The following IGF1 variants were observed in gnomAD, a reference collection of about 807,000 sequenced individuals.
IGF1 encodes insulin-like growth factor 1.
A neutral mutation model predicts 13.8 loss-of-function variants in IGF1; 4 were observed. The ratio of observed to expected loss-of-function variants is 0.29; its 90% confidence interval spans 0.14 to 0.66. IGF1 has a LOEUF of 0.66. IGF1 is among the 30% of genes least tolerant of loss of function. The pLI, the probability that IGF1 is intolerant of heterozygous loss-of-function variation, is 0.78. For missense variants in IGF1, 124 were observed against 188.5 expected (o/e 0.66, Z 2.00); for synonymous variants, 76 against 72.6 (o/e 1.05, Z -0.23).
At chr12:102,475,540 A>T in intron 2 of IGF1, 103 bp downstream of exon 2, 1 of 1,316,784 alleles carries the variant, frequency 7.6e-7, no homozygotes, top group Non-Finnish European at 1.1e-6. Flanking sequence ...TGGCTGCCAG[A>T]TACGGGCACT....
At chr12:102,436,907 C>G (rs964198770) in intron 2 of IGF1, among the ~76,000 whole-genome samples, 4 of 152,126 alleles carry the variant, frequency 2.6e-5, no homozygotes, top group Admixed American at 2.6e-4. Context: ...GCTTTAAATC[C>G]AACAGTGCCC....
chr12:102,464,386 G>T (rs1880149191), intron 2 of IGF1, among the ~76,000 whole-genome samples: 1 of 150,444 alleles, frequency 6.6e-6, no homozygotes, highest in African/African-American at 2.5e-5. Context: ...ATATATTCTG[G>T]GGACTGGAAG....
intron 1 of IGF1, among the ~76,000 whole-genome samples, chr12:102,478,183 T>A (rs1018955778): frequency 6.6e-6 from 1 of 151,766 alleles, no homozygotes; most frequent in African/African-American, 2.4e-5. Flanking sequence ...GAGTTTAAAG[T>A]GTGAAACAAG....
intron 2 of IGF1, among the ~76,000 whole-genome samples, chr12:102,453,416 A>G (rs1279141356): frequency 1.3e-5 from 2 of 152,216 alleles, no homozygotes; most frequent in South Asian, 2.1e-4. Flanking sequence ...CCGGTATTCA[A>G]TTATACTCAG....
intron 2 of IGF1, among the ~76,000 whole-genome samples, chr12:102,439,427 C>T (rs895648107): frequency 3.3e-5 from 5 of 152,096 alleles, no homozygotes; most frequent in African/African-American, 7.2e-5. Flanking sequence ...AATTTAGAAA[C>T]GAGAAGTCAT....
At chr12:102,414,792 A>T (rs1306984774) in intron 3 of IGF1, among the ~76,000 whole-genome samples, 1 of 152,210 alleles carries the variant, frequency 6.6e-6, no homozygotes, top group South Asian at 2.1e-4. Flanking sequence ...AGGTTTGCAC[A>T]TTGTAGATGC....
chr12:102,408,073 G>T (rs1225368764), intron 3 of IGF1, among the ~76,000 whole-genome samples: 3 of 152,144 alleles, frequency 2.0e-5, no homozygotes, highest in African/African-American at 7.2e-5. Context: ...AAAAAATACT[G>T]GGAAAATTCT....
At chr12:102,429,888 C>G (rs1204066014) in intron 2 of IGF1, among the ~76,000 whole-genome samples, 1 of 152,202 alleles carries the variant, frequency 6.6e-6, no homozygotes, top group Admixed American at 6.5e-5. Context: ...GAACTAGAGA[C>G]TGTTGCCCCA....
intron 1 of IGF1, among the ~76,000 whole-genome samples, chr12:102,477,665 G>A (rs1881146207): frequency 1.3e-5 from 2 of 151,094 alleles, no homozygotes; most frequent in Admixed American, 1.3e-4. Context: ...GATTGATCTT[G>A]CAGAGCATAC....
At chr12:102,431,263 A>C (rs1414508251) in intron 2 of IGF1, among the ~76,000 whole-genome samples, 1 of 152,224 alleles carries the variant, frequency 6.6e-6, no homozygotes, top group African/African-American at 2.4e-5. Flanking sequence ...GCTTGAAAAG[A>C]CTCAAACTTA....
At chr12:102,427,992 A>T (rs965185604) in intron 2 of IGF1, among the ~76,000 whole-genome samples, 2 of 151,860 alleles carry the variant, frequency 1.3e-5, no homozygotes, top group Non-Finnish European at 2.9e-5. Flanking sequence ...GAATGTTTCT[A>T]TAGCACCTAG....
intron 2 of IGF1, among the ~76,000 whole-genome samples, chr12:102,469,087 C>T (rs1181315543): frequency 6.6e-6 from 1 of 152,206 alleles, no homozygotes; most frequent in Non-Finnish European, 1.5e-5. Flanking sequence ...GGATACATTT[C>T]AATACCAATG....
intron 3 of IGF1, among the ~76,000 whole-genome samples, chr12:102,418,592 C>A (rs998408568): frequency 7.2e-5 from 11 of 152,226 alleles, no homozygotes; most frequent in Admixed American, 4.6e-4. Context: ...AATACTTAAA[C>A]GAGAGCTATT....
At chr12:102,441,655 T>C in intron 2 of IGF1, among the ~76,000 whole-genome samples, 1 of 152,180 alleles carries the variant, frequency 6.6e-6, no homozygotes, top group Non-Finnish European at 1.5e-5. Flanking sequence ...GGTTATTTTA[T>C]GTAGATATTG....
rs575085463 is a variant in IGF1, at chr12:102,475,427, G to A, written c.220+216C>T. ...GGCTTAGCAGGAAGTAGTTAAAGAC[G>A]AATTGTTAAGGAGGAAAATTCCATC... On this transcript the variant is annotated intron_variant, in intron 2 of 3. Coordinates refer to ENST00000337514, the MANE Select transcript of IGF1 (RefSeq NM_000618.5). Among the ~76,000 whole-genome samples the A allele has an allele frequency of 4.6e-5, 7 of 152,128 alleles. No individual in the cohort carries two copies. The East Asian group carries it at 7.7e-4, about 17-fold the overall frequency.
Position 102,479,926 on chromosome 12 carries a change from C to G in IGF1, c.63+393G>C, listed in dbSNP as rs546662337. Among the ~76,000 whole-genome samples the G allele has an allele frequency of 2.1e-4, 32 of 151,668 alleles. 1 individual carries two copies. Among genetic ancestry groups the G allele is most frequent in the East Asian group, 9.7e-4 (5 of 5,170 alleles). ...ACACATACACACAGAGACACATACA[C>G]ACATGCAAAAGAACATGGTCTTAAA... is the stretch of plus-strand genomic sequence containing the variant. On this transcript the variant is annotated intron_variant, in intron 1 of 3. Coordinates refer to ENST00000337514, the MANE Select transcript of IGF1 (RefSeq NM_000618.5).
At chr12:102,408,266 G>T (rs931511311) in intron 3 of IGF1, among the ~76,000 whole-genome samples, 3 of 152,098 alleles carry the variant, frequency 2.0e-5, no homozygotes, top group African/African-American at 7.2e-5. Context: ...TTGGCCTGGG[G>T]ACATGTGAAA....
At chr12:102,447,600 G>A (rs1041373429) in intron 2 of IGF1, among the ~76,000 whole-genome samples, 19 of 151,694 alleles carry the variant, frequency 1.3e-4, no homozygotes, top group Non-Finnish European at 2.6e-4. Context: ...CCTTTATTTC[G>A]AGCCTATGTG....
At chr12:102,478,727 C>T in intron 1 of IGF1, 1 of 1,156,780 alleles carries the variant, frequency 8.6e-7, no homozygotes. Flanking sequence ...TTAAGTCAAT[C>T]TTTTCCCCCC....
Sources: allele counts gnomAD v4.1 joint callset (sites outside exome capture counted in the v4.1 genomes callset), GRCh38; gene constraint gnomAD v4.1.1; transcripts MANE v1.5; gene names NCBI Gene and HGNC (gene_info 2026-07-23, HGNC 2026-07-21).